The following BCAS3 variants were observed in gnomAD, a reference collection of about 807,000 sequenced individuals.
BCAS3 encodes the protein BCAS3 microtubule associated cell migration factor.
In BCAS3, 53 loss-of-function variants were observed where a neutral mutation model predicts 116.1. That is an observed-to-expected ratio of 0.46 (90% CI 0.37 to 0.57). The LOEUF is 0.57. BCAS3 is among the 20% of genes least tolerant of loss of function. The pLI, the probability that BCAS3 is intolerant of heterozygous loss-of-function variation, is 0.00. For synonymous variants in BCAS3, 391 were observed against 408.2 expected, an observed-to-expected ratio of 0.96 and a Z score of 0.51; for missense variants, 917 against 1,165.4, an observed-to-expected ratio of 0.79 and a Z score of 3.10.
chr17:61,112,651 C>G (rs1221830804), intron 22 of BCAS3, among the ~76,000 whole-genome samples: 45 of 135,210 alleles, frequency 3.3e-4, no homozygotes, highest in Non-Finnish European at 5.4e-4. Context: ...GACTTTAACA[C>G]CCCACTGTCA....
rs1357490491 is a variant in BCAS3, at chr17:60,886,354, T to G, written c.662-3341T>G. On this transcript the variant is annotated intron_variant, in intron 9 of 23. Coordinates refer to ENST00000407086, the MANE Select transcript of BCAS3 (RefSeq NM_017679.5). ...TCTAGTTATACATTCTTCTAAATTT[T>G]TTTCAAAGTTTTCAACTTCTTTGCC... is the stretch of plus-strand genomic sequence containing the variant. 1.2e-4 allele frequency: 17 copies of G among 147,010 alleles called. No individual in the cohort carries two copies. The East Asian group carries it at 3.5e-3, about 30-fold the overall frequency. 9.1% of individuals were successfully genotyped at this position (147,010 alleles called of 1,614,324 possible). A position where few individuals can be genotyped will look rare whatever the true frequency, so the allele number is the denominator to read the frequency against.
chr17:61,365,466 T>C lies in BCAS3; in HGVS notation c.2426-2861T>C, dbSNP rs1025099765. Among the ~76,000 whole-genome samples, 11 of 152,106 alleles carry C rather than the reference T, an allele frequency of 7.2e-5. No individual in the cohort carries two copies. Among genetic ancestry groups the C allele is most frequent in the African/African-American group, 2.4e-4 (10 of 41,420 alleles). On this transcript the variant is annotated intron_variant, in intron 22 of 23. Coordinates refer to ENST00000407086, the MANE Select transcript of BCAS3 (RefSeq NM_017679.5). This position sits in a 1 kb window ranked among gnomAD's most constrained non-coding sequence, Gnocchi z 4.6. ...CTCCTGCCTCAGCCTCTCGAGTAGC[T>C]GGGATTGCAGGTGCCCGCCACCATG...
chr17:60,773,943 G>A (rs73316732), intron 6 of BCAS3, among the ~76,000 whole-genome samples: 7,048 of 152,194 alleles, frequency 0.046, 558 homozygotes, highest in African/African-American at 0.15. Context: ...CACTTTGCCC[G>A]GCCTTACTGT....
At chr17:60,715,132 C>CTTTTTTTT (rs200488032) in intron 5 of BCAS3, among the ~76,000 whole-genome samples, 1 of 125,410 alleles carries the variant, frequency 8.0e-6, no homozygotes, top group Non-Finnish European at 1.6e-5. Context: ...CTTTCTCTTT[C>CTTTTTTTT]TTTTTTTTTT....
intron 19 of BCAS3, among the ~76,000 whole-genome samples, chr17:61,064,417 A>G (rs1600895026): frequency 1.3e-5 from 2 of 152,204 alleles, no homozygotes; most frequent in East Asian, 3.9e-4. Context: ...TCTCCATTTT[A>G]TGAGATATTT....
At chr17:60,829,195 T>C (rs9904431) in intron 7 of BCAS3, among the ~76,000 whole-genome samples, 33,237 of 151,942 alleles carry the variant, frequency 0.22, 4,678 homozygotes, top group African/African-American at 0.4. Flanking sequence ...GATGATGTAA[T>C]GTATAACAAT....
In BCAS3 at chr17:61,233,127, G is replaced by A. The variant is rs1373037670; in HGVS notation, c.2426-135200G>A. On this transcript the variant is annotated intron_variant, in intron 22 of 23. Transcript: ENST00000407086. The surrounding 1 kb of genome is among the most constrained non-coding windows in gnomAD (Gnocchi z 4.3). The stretch of plus-strand genomic sequence containing the variant: ...GATAAACTTTGTTACCACTTAAAAA[G>A]GGGCTAAAAATACTTCTTTTTTAAA... Among the ~76,000 whole-genome samples, 1 of 152,144 alleles carries A rather than the reference G, an allele frequency of 6.6e-6. No homozygotes were observed. Among genetic ancestry groups the A allele is most frequent in the Non-Finnish European group, 1.5e-5 (1 of 68,030 alleles).
At chr17:61,116,202 T>A (rs2143774323) in intron 22 of BCAS3, among the ~76,000 whole-genome samples, 1 of 151,972 alleles carries the variant, frequency 6.6e-6, no homozygotes, top group Admixed American at 6.5e-5. Flanking sequence ...GTAACTAACC[T>A]GCACAATGTG....
intron 17 of BCAS3, chr17:61,036,376 G>C (rs569740884): frequency 3.9e-5 from 6 of 152,110 alleles, no homozygotes; most frequent in African/African-American, 1.4e-4. Flanking sequence ...CGCGCAGCAG[G>C]TTCCTTACCT....
chr17:60,877,969 G>A (rs1387453169), intron 9 of BCAS3, among the ~76,000 whole-genome samples: 1 of 151,544 alleles, frequency 6.6e-6, no homozygotes, highest in East Asian at 1.9e-4. Flanking sequence ...TTGGAAATAA[G>A]TGTAATTAAC....
In BCAS3 at chr17:61,004,598, G is replaced by A. The variant is rs1018882420; in HGVS notation, c.1487-11153G>A. On this transcript the variant is annotated intron_variant, in intron 15 of 23. Coordinates refer to ENST00000407086, the MANE Select transcript of BCAS3 (RefSeq NM_017679.5). This position sits in a 1 kb window ranked among gnomAD's most constrained non-coding sequence, Gnocchi z 4.8. ...CAAAAGGACAACAAGACAGGGATCA[G>A]GGCTATACCAGGATTATGCACAGAA... is the stretch of plus-strand genomic sequence containing the variant. Among the ~76,000 whole-genome samples the A allele has an allele frequency of 2.0e-5, 3 of 152,076 alleles. No homozygotes were observed. Among genetic ancestry groups the A allele is most frequent in the African/African-American group, 7.2e-5 (3 of 41,424 alleles).
chr17:61,303,612 G>C (rs2053618196), intron 22 of BCAS3, among the ~76,000 whole-genome samples: 1 of 152,166 alleles, frequency 6.6e-6, no homozygotes, highest in Non-Finnish European at 1.5e-5. Flanking sequence ...GTACAGTGGG[G>C]AGTGACCAGC....
chr17:60,977,429 CA>C (rs2145379862), intron 14 of BCAS3, among the ~76,000 whole-genome samples: 1 of 152,182 alleles, frequency 6.6e-6, no homozygotes, highest in East Asian at 1.9e-4. Context: ...CCTTCCACTT[CA>C]GCCTCCCAAA....
At chr17:60,698,750 T>C (rs1249491326) in intron 4 of BCAS3, among the ~76,000 whole-genome samples, 1 of 152,068 alleles carries the variant, frequency 6.6e-6, no homozygotes, top group African/African-American at 2.4e-5. Context: ...AGTTGACCTC[T>C]CTGCATATAA....
intron 14 of BCAS3, among the ~76,000 whole-genome samples, chr17:60,989,092 T>C (rs998521168): frequency 1.3e-5 from 2 of 152,138 alleles, no homozygotes. Context: ...CATTCACAAA[T>C]ATCTTTATTC....
At chr17:60,686,472 A>C (rs184838708) in intron 3 of BCAS3, among the ~76,000 whole-genome samples, 1 of 152,232 alleles carries the variant, frequency 6.6e-6, no homozygotes, top group Non-Finnish European at 1.5e-5. Flanking sequence ...GATGGATGGT[A>C]GTTGCCCTTG....
At chr17:61,071,596 G>T (rs547374254) in intron 19 of BCAS3, among the ~76,000 whole-genome samples, 3 of 152,168 alleles carry the variant, frequency 2.0e-5, no homozygotes, top group Non-Finnish European at 4.4e-5. Flanking sequence ...GAGGAACAGC[G>T]TTCTGGCTTG....
In BCAS3 at chr17:61,214,025, A is replaced by G. The variant is rs143107465; in HGVS notation, c.2425+129461A>G. Among the ~76,000 whole-genome samples the G allele has an allele frequency of 1.3e-5, 2 of 152,184 alleles. No homozygotes were observed. The highest frequency in any genetic ancestry group is 2.9e-5 in the Non-Finnish European group (2 of 68,002). Reference sequence around the variant, plus strand: ...CACTGCACAGTAGGCTGGAGATTCTACCTAACCTCACAGGACTCCTAGCAT... The same window carrying G: ...CACTGCACAGTAGGCTGGAGATTCTGCCTAACCTCACAGGACTCCTAGCAT... On this transcript the variant is annotated intron_variant, in intron 22 of 23. Transcript: ENST00000407086. The surrounding 1 kb of genome is among the most constrained non-coding windows in gnomAD (Gnocchi z 4.4).
At chr17:60,814,306 T>TGTGCGCGTGC in intron 7 of BCAS3, among the ~76,000 whole-genome samples, 1 of 148,302 alleles carries the variant, frequency 6.7e-6, no homozygotes, top group African/African-American at 2.5e-5. Flanking sequence ...TGTGTGTGTG[T>TGTGCGCGTGC]GCGCGCGTGC....
Sources: gnomAD v4.1 joint callset for allele counts (sites outside exome capture counted in the v4.1 genomes callset) on GRCh38, gnomAD v4.1.1 for gene constraint, Gnocchi (gnomAD v3.1) non-coding constraint, MANE v1.5 for transcripts, NCBI Gene and HGNC (gene_info 2026-07-23, HGNC 2026-07-21) for gene names.